Variants in BPTF observed in about 807,000 individuals in gnomAD.
BPTF encodes the protein nucleosome-remodeling factor subunit BPTF.
Under a neutral mutation model 292.5 loss-of-function variants are expected in BPTF, and 18 were observed. The observed-to-expected ratio is 0.06, with a 90% CI of 0.04 to 0.09. The LOEUF (loss-of-function observed/expected upper bound fraction) is 0.09, where lower values mean the gene tolerates loss of function less well. BPTF is among the 10% of genes least tolerant of loss of function. The probability of loss-of-function intolerance (pLI) is 1.00; values close to 1 mark genes in which losing one functional copy is unlikely to be tolerated. For synonymous variants in BPTF, 1,225 were observed against 1,251.9 expected (o/e 0.98, Z 0.45); for missense variants, 2,726 against 3,498.7 (o/e 0.78, Z 5.57).
chr17:67,966,825 G>T (rs2068150836), intron 26 of BPTF, among the ~76,000 whole-genome samples, 169 bp downstream of exon 26: 1 of 152,078 alleles, frequency 6.6e-6, no homozygotes, highest in African/African-American at 2.4e-5. Flanking sequence ...ATTGTGGCCG[G>T]GTGCGGTGGC....
chr17:67,827,053 C>T (rs2056138066), intron 1 of BPTF, among the ~76,000 whole-genome samples: 1 of 152,180 alleles, frequency 6.6e-6, no homozygotes, highest in South Asian at 2.1e-4. Context: ...TTTGGTTATT[C>T]ATCCGATTCA....
intron 23 of BPTF, among the ~76,000 whole-genome samples, chr17:67,949,735 C>T (rs1555677468): frequency 6.6e-6 from 1 of 151,430 alleles, no homozygotes; most frequent in East Asian, 1.9e-4. Flanking sequence ...CATAATTACA[C>T]AGCTTTTTTA....
intron 7 of BPTF, among the ~76,000 whole-genome samples, chr17:67,900,148 A>T (rs1386870147): frequency 6.6e-6 from 1 of 152,044 alleles, no homozygotes; most frequent in African/African-American, 2.4e-5. Context: ...TGTGTCGCCC[A>T]GGCTAGAGGG....
At chr17:67,851,659 C>T (rs1289862057) in intron 1 of BPTF, among the ~76,000 whole-genome samples, 1 of 152,164 alleles carries the variant, frequency 6.6e-6, no homozygotes, top group Non-Finnish European at 1.5e-5. Context: ...ATATTTCTTA[C>T]TTTGGTTGTG....
chr17:67,893,998 A>G, intron 6 of BPTF, 36 bp from the exon 7 acceptor site: 2 of 1,604,972 alleles, frequency 1.2e-6, no homozygotes, highest in Non-Finnish European at 1.7e-6. Flanking sequence ...AGGTCAACCT[A>G]GTGAAATAAT....
At chr17:67,967,743 C>T (rs1481396776) in intron 26 of BPTF, among the ~76,000 whole-genome samples, 16 of 146,082 alleles carry the variant, frequency 1.1e-4, no homozygotes, top group African/African-American at 4.1e-4. Flanking sequence ...CACTTGAACC[C>T]GGGAGGCAGA....
In BPTF at chr17:67,940,538, G is replaced by T; in HGVS notation, c.6359G>T (p.Ser2120Ile). The T allele has an allele frequency of 6.2e-7, 1 of 1,614,066 alleles. No homozygotes were observed. The highest frequency in any genetic ancestry group is 8.5e-7 in the Non-Finnish European group (1 of 1,180,028). Residue 2120 changes from serine to isoleucine, a missense_variant, in exon 19 of 28, where the codon AGC becomes ATC. Coordinates refer to ENST00000306378, the MANE Select transcript of BPTF (RefSeq NM_182641.4). ...NTVSSTPGQK[S>I]LTSATSTSNI... ...GTTTCCTCAACACCTGGGCAGAAAA[G>T]CTTAACTTCAGCAACGTCCACTTCA...
intron 4 of BPTF, among the ~76,000 whole-genome samples, chr17:67,882,858 C>T (rs759349650): frequency 1.3e-5 from 2 of 151,888 alleles, no homozygotes; most frequent in Non-Finnish European, 2.9e-5. Flanking sequence ...ATTAGCTGGG[C>T]GTGGTGGTGC....
In BPTF at chr17:67,913,132, G is replaced by A. The variant is rs1225822323; in HGVS notation, c.5248G>A (p.Ala1750Thr). ...TTATTTTAATTACAATGCAAAACCTGCTTTGGATATATGGCCATATCCTTC... is the reference window on the plus strand; with the variant it reads ...TTATTTTAATTACAATGCAAAACCTACTTTGGATATATGGCCATATCCTTC... ...VPYFNYNAKP[A>T]LDIWPYPSPR... Residue 1750 changes from alanine (A) to threonine (T), a missense_variant, in exon 11 of 28, where the codon GCT becomes ACT. Ala to Thr is a moderately conservative substitution (Grantham distance 58). Transcript: ENST00000306378. 6.2e-7 allele frequency: 1 copy of A among 1,613,966 alleles called. No individual in the cohort carries two copies. Among genetic ancestry groups the A allele is most frequent in the Non-Finnish European group, 8.5e-7 (1 of 1,179,972 alleles).
intron 15 of BPTF, among the ~76,000 whole-genome samples, chr17:67,926,856 G>C (rs1568093312): frequency 6.6e-6 from 1 of 151,776 alleles, no homozygotes; most frequent in African/African-American, 2.4e-5. Context: ...TCCGGCCTCA[G>C]CCTCCTGAGT....
chr17:67,844,097 T>A (rs1169925208), intron 1 of BPTF, among the ~76,000 whole-genome samples: 11 of 105,360 alleles, frequency 1.0e-4, no homozygotes, highest in Non-Finnish European at 1.5e-4. Flanking sequence ...TTTTTTTTTT[T>A]AAGATGGAGT....
rs1221240738 is a variant in BPTF at position 67,983,176 on chromosome 17, C to G, written c.*888C>G. ...ACAGACAGAGGTGTCTTTGAATGTG[C>G]GCTAATGATTATCTGTAAGCCTTTG... On this transcript the variant is annotated 3_prime_UTR_variant, in exon 28 of 28. Transcript: ENST00000306378. 2 of 152,460 alleles carry G rather than the reference C, an allele frequency of 1.3e-5. No individual in the cohort carries two copies. The highest frequency in any genetic ancestry group is 2.4e-5 in the African/African-American group (1 of 41,402). The allele number at this position is 152,460 out of a possible 1,614,324, so 9.4% of individuals were successfully genotyped here.
intron 8 of BPTF, 91 bp from the exon 9 acceptor site, chr17:67,904,611 A>G: frequency 9.7e-7 from 1 of 1,029,218 alleles, no homozygotes; most frequent in South Asian, 2.8e-5. Context: ...CCTGACTTTG[A>G]AACTTGTTTG....
At chr17:67,944,070 CATAAAAATGATTTA>C in intron 19 of BPTF, 66 bp from the exon 20 acceptor site, 3 of 1,024,482 alleles carry the variant, frequency 2.9e-6, no homozygotes, top group Non-Finnish European at 4.5e-6. Flanking sequence ...GATAATTACA[CATAAAAATGATTTA>C]ATAAAAATGA....
chr17:67,877,545 C>T (rs924564053), intron 4 of BPTF, among the ~76,000 whole-genome samples: 2 of 152,138 alleles, frequency 1.3e-5, no homozygotes, highest in Admixed American at 6.5e-5. Flanking sequence ...ATTTAGGCAC[C>T]TAATTTAATG....
intron 4 of BPTF, among the ~76,000 whole-genome samples, chr17:67,880,550 T>G (rs1173358920): frequency 1.3e-5 from 2 of 152,216 alleles, no homozygotes; most frequent in Non-Finnish European, 2.9e-5. Flanking sequence ...AAATATTGTC[T>G]AATTTCTGTT....
intron 13 of BPTF, among the ~76,000 whole-genome samples, chr17:67,921,291 G>A (rs956096133): frequency 8.0e-5 from 12 of 150,830 alleles, no homozygotes; most frequent in South Asian, 2.1e-4. Flanking sequence ...TTGGGAGGCC[G>A]AGGCGGGCAG....
At chr17:67,946,650 A>T (rs1056111402) in intron 21 of BPTF, among the ~76,000 whole-genome samples, 6 of 152,246 alleles carry the variant, frequency 3.9e-5, no homozygotes, top group Admixed American at 2.0e-4. Flanking sequence ...CACTTCAGAC[A>T]TTATAGCAAT....
At chr17:67,904,312 G>T (rs1201205756) in intron 8 of BPTF, among the ~76,000 whole-genome samples, 4 of 152,196 alleles carry the variant, frequency 2.6e-5, no homozygotes, top group African/African-American at 7.2e-5. Flanking sequence ...TTACAGGCAT[G>T]AGCCACTGCT....
Sources: allele counts gnomAD v4.1 joint callset (sites outside exome capture counted in the v4.1 genomes callset), GRCh38; gene constraint gnomAD v4.1.1; transcripts MANE v1.5; gene names NCBI Gene and HGNC (gene_info 2026-07-23, HGNC 2026-07-21).